Variants in FOXH1 observed in about 807,000 individuals in gnomAD.
FOXH1 encodes the protein forkhead box protein H1.
FOXH1 carries 10 observed loss-of-function variants against 14.2 expected under a neutral mutation model. The ratio of observed to expected loss-of-function variants is 0.70; its 90% CI spans 0.43 to 1.19. The LOEUF is 1.19. Among genes scored for constraint, FOXH1 ranks in the 50% most tolerant of loss-of-function variants. The pLI is 0.00. For missense variants in FOXH1, 643 were observed against 492.1 expected (o/e 1.31, Z -2.90); for synonymous variants, 273 against 209.5 (o/e 1.30, Z -2.62).
chr8:144,474,405 A>G lies in FOXH1; in HGVS notation c.931T>C (p.Trp311Arg). 1 of 1,613,262 alleles carries G rather than the reference A, an allele frequency of 6.2e-7. No homozygotes were observed. The highest frequency in any genetic ancestry group is 8.5e-7 in the Non-Finnish European group (1 of 1,180,006). The change falls in exon 3 of 3, where the codon TGG becomes CGG. Residue 311 changes from tryptophan (W) to arginine (R), a missense_variant. By Grantham distance (101) the Trp-to-Arg change is moderately radical. Transcript: ENST00000377317. ...CCTCGGGTTTCAGGGGCCACCCCCC[A>G]GTAGGCAGGGCTGGTTGACGGACAC... is the stretch of plus-strand genomic sequence containing the variant. ...PQCPSTSPAY[W>R]GVAPETRGPP...
In FOXH1 at chr8:144,473,651, G is replaced by C; in HGVS notation, c.*587C>G. 2 of 509,890 alleles carry C rather than the reference G, an allele frequency of 3.9e-6. No homozygotes were observed. The highest frequency in any genetic ancestry group is 6.6e-6 in the Non-Finnish European group (2 of 302,770). 31.6% of individuals were successfully genotyped at this position (509,890 alleles called of 1,614,324 possible). ...CCTTATCACCATTTGCTGTTATCAC[G>C]GCACACAGCAGGGAATCCCAGGCCC... On this transcript the variant is annotated 3_prime_UTR_variant, in exon 3 of 3. Transcript: ENST00000377317.
rs1401185995 is a variant in FOXH1, at chr8:144,473,605, G to C, written c.*633C>G. 2 of 638,814 alleles carry C rather than the reference G, an allele frequency of 3.1e-6. No individual in the cohort carries two copies. Among genetic ancestry groups the C allele is most frequent in the East Asian group, 3.3e-5 (1 of 30,368 alleles). The allele number at this position is 638,814 out of a possible 1,614,324, so 39.6% of individuals were successfully genotyped here. A position where few individuals can be genotyped will look rare whatever the true frequency, so the allele number is the denominator to read the frequency against. On this transcript the variant is annotated 3_prime_UTR_variant, in exon 3 of 3. Transcript: ENST00000377317. ...ACCCCCCGCCCCCAGCCCTGCATCA[G>C]GCCACAGGTCTTGGCTTTCTCCTTA... is the stretch of plus-strand genomic sequence containing the variant.
rs1460876038 is a variant in FOXH1, at chr8:144,474,737, C to T, written c.599G>A (p.Gly200Glu). The T allele has an allele frequency of 6.4e-7, 1 of 1,561,320 alleles. No homozygotes were observed. Among genetic ancestry groups the T allele is most frequent in the Admixed American group, 1.8e-5 (1 of 54,242 alleles). ...SPVPAGTGNS[G>E]EEAVPTPPLP... is the part of the protein sequence containing the mutation. ...GGGTGGGGTGGGCACCGCCTCCTCC[C>T]CACTGTTCCCTGTGCCTGCAGGAAC... is the stretch of plus-strand genomic sequence containing the variant. Residue 200 changes from glycine (G) to glutamate (E), a missense_variant, in exon 3 of 3, where the codon GGG becomes GAG. Transcript: ENST00000377317.
rs778783647 is a variant in FOXH1 at position 144,475,699 on chromosome 8, G to T, written c.58C>A (p.Pro20Thr). 2 of 1,424,088 alleles carry T rather than the reference G, an allele frequency of 1.4e-6. No homozygotes were observed. Among genetic ancestry groups the T allele is most frequent in the Admixed American group, 6.8e-5 (2 of 29,584 alleles). The allele number at this position is 1,424,088 out of a possible 1,614,324, so 88.2% of individuals were successfully genotyped here. ...TACCTCTTCTTCCTCCTCTTAGGGG[G>T]CTGGGAGGGCGACTCTGCCTCTGGG... The part of the protein sequence containing the change: ...GPPEAESPSQ[P>T]PKRRKKRYLR... The change falls in exon 1 of 3, where the codon CCC becomes ACC. Residue 20 changes from proline (P) to threonine (T), a missense_variant. Transcript: ENST00000377317.
rs1273557050 is a variant in FOXH1 at position 144,474,220 on chromosome 8, G to A, written c.*18C>T. 3 of 1,530,674 alleles carry A rather than the reference G, an allele frequency of 2.0e-6. No homozygotes were observed. The highest frequency in any genetic ancestry group is 2.0e-5 in the Admixed American group (1 of 49,410). The allele number at this position is 1,530,674 out of a possible 1,614,324, so 94.8% of individuals were successfully genotyped here. ...GGGGTGGGAGCGGGAGGGAGGAGTG[G>A]CCCCTGTCTTAAGAGCCTCACAGGC... On this transcript the variant is annotated 3_prime_UTR_variant, in exon 3 of 3. Coordinates refer to ENST00000377317, the MANE Select transcript of FOXH1 (RefSeq NM_003923.3).
intron 1 of FOXH1, 87 bp from the exon 2 acceptor site, chr8:144,475,348 G>A (rs2130040494): frequency 8.5e-7 from 1 of 1,183,230 alleles, no homozygotes; most frequent in Admixed American, 2.0e-5. Flanking sequence ...CGGGCTCAGG[G>A]GCGCGCGGTG....
rs1258698488 is a variant in FOXH1, at chr8:144,474,786, C to T, written c.550G>A (p.Gly184Arg). Residue 184 changes from glycine (G) to arginine (R), a missense_variant, in exon 3 of 3, where the codon GGG becomes AGG. By Grantham distance (125) the Gly-to-Arg change is moderately radical. Transcript: ENST00000377317. ...ACTGGGCTGCTCTGTGGAGCTAGCC[C>T]CGGCCAGGGTGCCCCCTCCCCGGAC... is the stretch of plus-strand genomic sequence containing the variant. Reference protein sequence around the residue: ...GGSGEGAPWPGLAPQSSPVPA... With the variant: ...GGSGEGAPWPRLAPQSSPVPA... 2 of 1,602,358 alleles carry T rather than the reference C, an allele frequency of 1.2e-6. No homozygotes were observed. Among genetic ancestry groups the T allele is most frequent in the Non-Finnish European group, 8.5e-7 (1 of 1,174,160 alleles).
chr8:144,474,920 G>C lies in FOXH1; in HGVS notation c.416C>G (p.Ala139Gly), dbSNP rs373424413. The C allele has an allele frequency of 6.2e-7, 1 of 1,608,848 alleles. No homozygotes were observed. The highest frequency in any genetic ancestry group is 1.7e-5 in the Admixed American group (1 of 59,870). The change falls in exon 3 of 3, where the codon GCC becomes GGC. Residue 139 changes from alanine to glycine, a missense_variant. Physicochemically the swap from Ala to Gly is moderately conservative, Grantham distance 60. Transcript: ENST00000377317. ...GTAGGGGCCCAGGTCCTTGGCGAAG[G>C]CTCCACGCGCACCTCCGTTCTGCCA... is the stretch of plus-strand genomic sequence containing the variant. ...RRWQNGGARG[A>G]FAKDLGPYVL...
Position 144,473,507 on chromosome 8 carries a change from T to C in FOXH1, c.*731A>G, listed in dbSNP as rs1219279935. On this transcript the variant is annotated 3_prime_UTR_variant, in exon 3 of 3. Coordinates refer to ENST00000377317, the MANE Select transcript of FOXH1 (RefSeq NM_003923.3). ...AAGCTCCCTAGCCTCTTTGGATCCA[T>C]TGCCCCTGAGCTCCCAGAGTCACCC... 6 of 1,287,110 alleles carry C rather than the reference T, an allele frequency of 4.7e-6. No individual in the cohort carries two copies. The highest frequency in any genetic ancestry group is 5.1e-6 in the Non-Finnish European group (5 of 971,474). The allele number at this position is 1,287,110 out of a possible 1,614,324, so 79.7% of individuals were successfully genotyped here.
intron 1 of FOXH1, 100 bp from the exon 2 acceptor site, chr8:144,475,361 G>A: frequency 9.6e-7 from 1 of 1,040,164 alleles, no homozygotes. Context: ...GCGCGGTGCC[G>A]GCCCCTGCTG....
In FOXH1 at chr8:144,474,224, C is replaced by T. The variant is rs941933747; in HGVS notation, c.*14G>A. On this transcript the variant is annotated 3_prime_UTR_variant, in exon 3 of 3. Transcript: ENST00000377317. ...TGGGAGCGGGAGGGAGGAGTGGCCC[C>T]TGTCTTAAGAGCCTCACAGGCTGCA... The T allele has an allele frequency of 1.9e-6, 3 of 1,538,942 alleles. No homozygotes were observed. Among genetic ancestry groups the T allele is most frequent in the Non-Finnish European group, 2.6e-6 (3 of 1,142,574 alleles).
In FOXH1 at chr8:144,473,979, C is replaced by T. The variant is rs1291231370; in HGVS notation, c.*259G>A. 3.7e-6 allele frequency: 2 copies of T among 543,328 alleles called. No individual in the cohort carries two copies. The highest frequency in any genetic ancestry group is 1.9e-5 in the African/African-American group (1 of 52,908). 33.7% of individuals were successfully genotyped at this position (543,328 alleles called of 1,614,324 possible). A position where few individuals can be genotyped will look rare whatever the true frequency, so the allele number is the denominator to read the frequency against. The stretch of plus-strand genomic sequence containing the variant: ...GCTGAGAAGAGGGGACTAGGAAGGG[C>T]TATTCCAGGCTCAGCCCTGCTCCTG... On this transcript the variant is annotated 3_prime_UTR_variant, in exon 3 of 3. Coordinates refer to ENST00000377317, the MANE Select transcript of FOXH1 (RefSeq NM_003923.3).
At position 144,474,170 on chromosome 8, in the gene FOXH1, G is replaced by C. The variant is rs1303946289; in HGVS notation, c.*68C>G. ...TGCTGTGGTCGCAGACAGCCGCCTC[G>C]CCTTGGCTCCCTGTCAACAAGGTGG... On this transcript the variant is annotated 3_prime_UTR_variant, in exon 3 of 3. Coordinates refer to ENST00000377317, the MANE Select transcript of FOXH1 (RefSeq NM_003923.3). The C allele has an allele frequency of 7.8e-7, 1 of 1,274,128 alleles. No individual in the cohort carries two copies. The highest frequency in any genetic ancestry group is 1.1e-6 in the Non-Finnish European group (1 of 931,902). The allele number at this position is 1,274,128 out of a possible 1,614,324, so 78.9% of individuals were successfully genotyped here.
Position 144,474,563 on chromosome 8 carries a change from G to A in FOXH1, c.773C>T (p.Thr258Ile), listed in dbSNP as rs755261013. Residue 258 changes from threonine (T) to isoleucine (I), a missense_variant, in exon 3 of 3, where the codon ACC (threonine) becomes ATC (isoleucine). Physicochemically the swap from Thr to Ile is moderately conservative, Grantham distance 89. Coordinates refer to ENST00000377317, the MANE Select transcript of FOXH1 (RefSeq NM_003923.3). Reference protein sequence around the residue: ...RAWPLHLLQGTAVPGGRSSGG... With the variant: ...RAWPLHLLQGIAVPGGRSSGG... The stretch of plus-strand genomic sequence containing the variant: ...GCTGGACCGTCCCCCAGGAACTGCG[G>A]TGCCCTGCAGTAAGTGGAGAGGCCA... 2.5e-6 allele frequency: 4 copies of A among 1,610,678 alleles called. No homozygotes were observed. Among genetic ancestry groups the A allele is most frequent in the South Asian group, 1.1e-5 (1 of 90,960 alleles).
Position 144,474,659 on chromosome 8 carries a change from G to C in FOXH1, c.677C>G (p.Thr226Arg), listed in dbSNP as rs949340730. The C allele has an allele frequency of 1.3e-6, 2 of 1,555,156 alleles. No homozygotes were observed. Among genetic ancestry groups the C allele is most frequent in the Admixed American group, 1.9e-5 (1 of 53,106 alleles). ...LWPLCPLPGP[T>R]RVEGETVQGG... ...CTGCACAGTCTCCCCCTCCACTCTC[G>C]TGGGGCCAGGAAGGGGGCAGAGGGG... is the stretch of plus-strand genomic sequence containing the variant. Residue 226 changes from threonine to arginine, a missense_variant, in exon 3 of 3, where the codon ACG becomes AGG. Coordinates refer to ENST00000377317, the MANE Select transcript of FOXH1 (RefSeq NM_003923.3).
At chr8:144,475,297 C>A in intron 1 of FOXH1, 36 bp from the exon 2 acceptor site, 1 of 1,564,956 alleles carries the variant, frequency 6.4e-7, no homozygotes, top group Non-Finnish European at 8.8e-7. Context: ...CGCCGTGAGC[C>A]CAGACGGGGA....
rs973088716 is a variant in FOXH1 at position 144,474,420 on chromosome 8, T to C, written c.916A>G (p.Thr306Ala). The C allele has an allele frequency of 1.9e-6, 3 of 1,613,234 alleles. No individual in the cohort carries two copies. The highest frequency in any genetic ancestry group is 2.5e-6 in the Non-Finnish European group (3 of 1,180,000). ...PPTSCPQCPS[T>A]SPAYWGVAPE... ...GCCACCCCCCAGTAGGCAGGGCTGGTTGACGGACACTGGGGACAGGAGGTG... is the reference window on the plus strand; with the variant it reads ...GCCACCCCCCAGTAGGCAGGGCTGGCTGACGGACACTGGGGACAGGAGGTG... Residue 306 changes from threonine (T) to alanine (A), a missense_variant, in exon 3 of 3, where the codon ACC (threonine) becomes GCC (alanine). By Grantham distance (58) the Thr-to-Ala change is moderately conservative. Transcript: ENST00000377317.
chr8:144,473,834 C>T lies in FOXH1; in HGVS notation c.*404G>A, dbSNP rs1281431985. 2.7e-6 allele frequency: 1 copy of T among 367,310 alleles called. No individual in the cohort carries two copies. Among genetic ancestry groups the T allele is most frequent in the Non-Finnish European group, 4.9e-6 (1 of 203,036 alleles). 22.8% of individuals were successfully genotyped at this position (367,310 alleles called of 1,614,324 possible). A position where few individuals can be genotyped will look rare whatever the true frequency, so the allele number is the denominator to read the frequency against. On this transcript the variant is annotated 3_prime_UTR_variant, in exon 3 of 3. Coordinates refer to ENST00000377317, the MANE Select transcript of FOXH1 (RefSeq NM_003923.3). ...CCGTTTCCCGAAAAAGGTGCTACCT[C>T]CTTTCCAGACAGATGAGAGAGGGCA...
Position 144,474,639 on chromosome 8 carries a change from C to T in FOXH1, c.697G>A (p.Val233Met). The change falls in exon 3 of 3, where the codon GTG (valine) becomes ATG (methionine). Residue 233 changes from valine (V) to methionine (M), a missense_variant. By Grantham distance (21) the Val-to-Met change is conservative (BLOSUM62 1). Coordinates refer to ENST00000377317, the MANE Select transcript of FOXH1 (RefSeq NM_003923.3). ...PGPTRVEGET[V>M]QGGAIGPSTL... The stretch of plus-strand genomic sequence containing the variant: ...GAGGGCCCGATGGCTCCCCCCTGCA[C>T]AGTCTCCCCCTCCACTCTCGTGGGG... 1 of 1,571,948 alleles carries T rather than the reference C, an allele frequency of 6.4e-7. No homozygotes were observed. The highest frequency in any genetic ancestry group is 8.6e-7 in the Non-Finnish European group (1 of 1,157,772).
Sources: allele counts gnomAD v4.1 joint callset, GRCh38; gene constraint gnomAD v4.1.1; transcripts MANE v1.5; gene names NCBI Gene and HGNC (gene_info 2026-07-23, HGNC 2026-07-21).